ASAP2: variants seen among roughly 807,000 people sequenced by gnomAD.
The protein encoded by ASAP2 is ArfGAP with SH3 domain, ankyrin repeat and PH domain 2.
In ASAP2, 45 loss-of-function variants were observed where a neutral mutation model predicts 131.4. The ratio of observed to expected loss-of-function variants is 0.34; its 90% CI spans 0.27 to 0.44. The LOEUF is 0.44. Ranked by LOEUF, ASAP2 falls within the 20% of genes least tolerant of loss-of-function variation. The probability of loss-of-function intolerance (pLI) is 1.00; values close to 1 mark genes in which losing one functional copy is unlikely to be tolerated. For missense variants in ASAP2, 1,011 were observed against 1,297.0 expected (o/e 0.78, Z 3.39); for synonymous variants, 510 against 503.0 (o/e 1.01, Z -0.19).
chr2:9,327,897 T>A lies in ASAP2; in HGVS notation c.672T>A (p.Phe224Leu). The A allele has an allele frequency of 1.9e-6, 3 of 1,576,602 alleles. No individual in the cohort carries two copies. Among genetic ancestry groups the A allele is most frequent in the Non-Finnish European group, 2.6e-6 (3 of 1,167,604 alleles). The change falls in exon 7 of 28, where the codon TTT becomes TTA. Residue 224 changes from phenylalanine to leucine, a missense_variant. Coordinates refer to ENST00000281419, the MANE Select transcript of ASAP2 (RefSeq NM_003887.3). The part of the protein sequence containing the change: ...VDLLQNLIKY[F>L]HAQCNFFQDG... ...TACTTCAGAATCTGATCAAATACTT[T>A]CATGCCCAATGCAAGTAAGTTCTTC...
chr2:9,364,717 C>A (rs573573222), intron 15 of ASAP2, among the ~76,000 whole-genome samples: 4 of 152,326 alleles, frequency 2.6e-5, no homozygotes, highest in South Asian at 2.1e-4. Context: ...TAACGACTTA[C>A]AACTGTCTTC....
chr2:9,375,378 G>C (rs1426983647), intron 17 of ASAP2, among the ~76,000 whole-genome samples: 1 of 152,178 alleles, frequency 6.6e-6, no homozygotes, highest in East Asian at 1.9e-4. Context: ...GGCACGGAGA[G>C]GGGTACTGGG....
chr2:9,341,561 G>A (rs1021532259), intron 9 of ASAP2, among the ~76,000 whole-genome samples: 31 of 152,226 alleles, frequency 2.0e-4, no homozygotes, highest in African/African-American at 7.2e-4. Flanking sequence ...CAGTGTTAGC[G>A]GTGTTGTCAC....
intron 1 of ASAP2, among the ~76,000 whole-genome samples, chr2:9,251,292 G>C (rs2148134504): frequency 6.6e-6 from 1 of 152,260 alleles, no homozygotes; most frequent in South Asian, 2.1e-4. Context: ...GTGAGGGTGG[G>C]GCTGGCATTT....
intron 25 of ASAP2, 109 bp from the exon 26 acceptor site, chr2:9,400,633 A>G (rs897114444): frequency 3.0e-6 from 3 of 991,640 alleles, no homozygotes; most frequent in African/African-American, 3.2e-5. Flanking sequence ...AACAGATCGG[A>G]ACACCTGGGG....
chr2:9,297,370 T>C lies in ASAP2; in HGVS notation c.270T>C (p.Asp90=). The C allele has an allele frequency of 2.5e-6, 4 of 1,614,194 alleles. No homozygotes were observed. Among genetic ancestry groups the C allele is most frequent in the South Asian group, 1.1e-5 (1 of 91,086 alleles). Residue 90 remains aspartate, a synonymous_variant, in exon 3 of 28, where the codon GAT becomes GAC. Transcript: ENST00000281419. ...EKFGGNCVCR[D]DPDLGSAFLK... is the part of the protein sequence containing the mutation. ...TTGGCGGCAACTGTGTATGCAGAGA[T>C]GACCCAGATTTAGGAAGTGCGTTCC...
At chr2:9,261,382 A>G (rs906095740) in intron 1 of ASAP2, among the ~76,000 whole-genome samples, 1 of 135,696 alleles carries the variant, frequency 7.4e-6, no homozygotes, top group Non-Finnish European at 1.5e-5. Context: ...AGTCACTTAA[A>G]CTCTTTGAGT....
In ASAP2 at chr2:9,279,390, G is replaced by A; in HGVS notation, c.199+1G>A. 6.2e-7 allele frequency: 1 copy of A among 1,613,612 alleles called. No homozygotes were observed. Among genetic ancestry groups the A allele is most frequent in the Non-Finnish European group, 8.5e-7 (1 of 1,179,504 alleles). On this transcript the variant is annotated splice_donor_variant, in intron 2 of 27. Transcript: ENST00000281419. LOFTEE classifies it high-confidence loss of function. ...AAAGCAATCAACAGCTCTGGGCTGG[G>A]TGAGTATACATCCTTCCCTAGAGGT...
intron 1 of ASAP2, among the ~76,000 whole-genome samples, chr2:9,222,202 A>T (rs1190196833): frequency 6.6e-6 from 1 of 152,218 alleles, no homozygotes; most frequent in Non-Finnish European, 1.5e-5. Flanking sequence ...ATTAAAAATC[A>T]GTTTTTATGT....
At chr2:9,396,858 C>T (rs1293349857) in intron 24 of ASAP2, among the ~76,000 whole-genome samples, 8 of 152,070 alleles carry the variant, frequency 5.3e-5, no homozygotes, top group African/African-American at 1.2e-4. Context: ...AAAAATTAGC[C>T]GGGCATGATG....
intron 24 of ASAP2, 105 bp from the exon 25 acceptor site, chr2:9,399,918 C>G (rs1259067178): frequency 5.9e-6 from 7 of 1,192,508 alleles, no homozygotes; most frequent in Admixed American, 1.9e-5. Flanking sequence ...GAAACCACCT[C>G]ACACACTCTG....
rs1675813774 is a variant in ASAP2 at position 9,392,577 on chromosome 2, G to A, written c.2519-905G>A. 6.6e-6 allele frequency among the ~76,000 whole-genome samples: 1 copy of A among 152,182 alleles called. No homozygotes were observed. The highest frequency in any genetic ancestry group is 6.5e-5 in the Admixed American group (1 of 15,284). ...AACCACTTTCCTGCCTCTCCGTCTG[G>A]TGGTCCAGGGGCTGCATTTGTGTGC... is the stretch of plus-strand genomic sequence containing the variant. On this transcript the variant is annotated intron_variant, in intron 23 of 27. Coordinates refer to ENST00000281419, the MANE Select transcript of ASAP2 (RefSeq NM_003887.3). This position sits in a 1 kb window ranked among gnomAD's most constrained non-coding sequence, Gnocchi z 4.0.
chr2:9,259,704 T>A (rs1047254328), intron 1 of ASAP2, among the ~76,000 whole-genome samples: 1 of 152,144 alleles, frequency 6.6e-6, no homozygotes, highest in Non-Finnish European at 1.5e-5. Flanking sequence ...GTGGACTGCT[T>A]TCCATTGAGG....
At chr2:9,273,709 G>T (rs1044747527) in intron 1 of ASAP2, among the ~76,000 whole-genome samples, 1 of 152,172 alleles carries the variant, frequency 6.6e-6, no homozygotes, top group Non-Finnish European at 1.5e-5. Context: ...TCAGTTCCTG[G>T]GTGGGGGCCA....
chr2:9,401,543 G>A, intron 27 of ASAP2, 147 bp downstream of exon 27: 1 of 1,122,644 alleles, frequency 8.9e-7, no homozygotes, highest in Admixed American at 2.7e-5. Flanking sequence ...AGCATCCTCA[G>A]GAGCTGCTTC....
chr2:9,335,498 G>A (rs1219955206), intron 9 of ASAP2, among the ~76,000 whole-genome samples: 1 of 152,180 alleles, frequency 6.6e-6, no homozygotes, highest in African/African-American at 2.4e-5. Context: ...TATTTATCCT[G>A]TACCTGGCCC....
chr2:9,334,528 T>C lies in ASAP2; in HGVS notation c.687-210T>C, dbSNP rs184914195. Among the ~76,000 whole-genome samples, 440 of 152,324 alleles carry C rather than the reference T, an allele frequency of 2.9e-3. 3 individuals are homozygous for C. The highest frequency in any genetic ancestry group is 0.01 in the African/African-American group (425 of 41,568). On this transcript the variant is annotated intron_variant, in intron 7 of 27. Coordinates refer to ENST00000281419, the MANE Select transcript of ASAP2 (RefSeq NM_003887.3). Reference sequence around the variant, plus strand: ...CGAGAAAAATCTCAAATACTTAAGCTTATTGCATTTCCTTTTCTGTTCGCT... The same window carrying C: ...CGAGAAAAATCTCAAATACTTAAGCCTATTGCATTTCCTTTTCTGTTCGCT...
rs1301079851 is a variant in ASAP2 at position 9,227,050 on chromosome 2, ATG to A, written c.126+19825_126+19826del. On this transcript the variant is annotated intron_variant, in intron 1 of 27. Coordinates refer to ENST00000281419, the MANE Select transcript of ASAP2 (RefSeq NM_003887.3). ...TCCTGCTCCCTGGCGAGAAGGAAGTATGTGTGAGAGAGTATTTCAGATCCTCC... is the reference window on the plus strand; with the variant it reads ...TCCTGCTCCCTGGCGAGAAGGAAGTATGTGAGAGAGTATTTCAGATCCTCC... Among the ~76,000 whole-genome samples the A allele has an allele frequency of 2.6e-5, 4 of 152,244 alleles. No individual in the cohort carries two copies. In the East Asian group the frequency reaches 7.7e-4, roughly 29 times the overall value.
intron 15 of ASAP2, among the ~76,000 whole-genome samples, chr2:9,363,047 G>A (rs941435230): frequency 6.6e-6 from 1 of 152,100 alleles, no homozygotes; most frequent in African/African-American, 2.4e-5. Flanking sequence ...AGATCTTGCA[G>A]GATTTGTCTT....
Sources: gnomAD v4.1 joint callset for allele counts (sites outside exome capture counted in the v4.1 genomes callset) on GRCh38, gnomAD v4.1.1 for gene constraint, Gnocchi (gnomAD v3.1) non-coding constraint, MANE v1.5 for transcripts, NCBI Gene and HGNC (gene_info 2026-07-23, HGNC 2026-07-21) for gene names.